RANBP2: variants seen among roughly 807,000 people sequenced by gnomAD.
RANBP2 encodes RAN binding protein 2, also known as E3 SUMO-protein ligase RanBP2.
A neutral mutation model predicts 303.6 loss-of-function variants in RANBP2; 57 were observed. That is an observed-to-expected ratio of 0.19 (90% CI 0.15 to 0.23). RANBP2 has a LOEUF of 0.23. Among genes scored for constraint, RANBP2 ranks in the 10% least tolerant of loss-of-function variants. The pLI, the probability that RANBP2 is intolerant of heterozygous loss-of-function variation, is 1.00. For synonymous variants in RANBP2, 1,167 were observed against 1,301.5 expected (o/e 0.90, Z 2.23); for missense variants, 3,138 against 3,780.8 (o/e 0.83, Z 4.46).
chr2:108,977,135 G>A, the RANBP2 span, among the ~76,000 whole-genome samples: 103 of 152,264 alleles, frequency 6.8e-4, no homozygotes, highest in African/African-American at 2.3e-3. Flanking sequence ...CCACTGGCCC[G>A]GGCCTGGGTT....
the RANBP2 span, among the ~76,000 whole-genome samples, chr2:108,893,718 T>TGACA: frequency 6.6e-6 from 1 of 152,078 alleles, no homozygotes; most frequent in Admixed American, 6.5e-5. Flanking sequence ...ACAAAGGCCA[T>TGACA]GACAATCTTA....
chr2:109,541,117 ACACAC>A, the RANBP2 span, among the ~76,000 whole-genome samples: 1 of 152,196 alleles, frequency 6.6e-6, no homozygotes, highest in Non-Finnish European at 1.5e-5. Flanking sequence ...CCTGGAAGTT[ACACAC>A]ATCACCATGT....
At chr2:109,680,528 G>C in the RANBP2 span, among the ~76,000 whole-genome samples, 1 of 152,154 alleles carries the variant, frequency 6.6e-6, no homozygotes, top group Non-Finnish European at 1.5e-5. Flanking sequence ...GAAAGTAATA[G>C]TAGTTATCTC....
At chr2:108,859,244 G>C in the RANBP2 span, among the ~76,000 whole-genome samples, 1 of 152,010 alleles carries the variant, frequency 6.6e-6, no homozygotes, top group African/African-American at 2.4e-5. Context: ...ACTTTTTAAC[G>C]GGGTTGCTTT....
At chr2:108,787,591 T>C (rs922466945), downstream of RANBP2, among the ~76,000 whole-genome samples, 1 of 152,228 alleles carries the variant, frequency 6.6e-6, no homozygotes, top group Admixed American at 6.5e-5. Flanking sequence ...TAAAACCTTT[T>C]ATAGGAAAAT....
At chr2:109,263,607 C>T in the RANBP2 span, among the ~76,000 whole-genome samples, 1 of 152,168 alleles carries the variant, frequency 6.6e-6, no homozygotes, top group Admixed American at 6.5e-5. Context: ...TTGAGCAAAG[C>T]TAATAGATGA....
chr2:109,409,309 C>T, the RANBP2 span, among the ~76,000 whole-genome samples: 6 of 152,206 alleles, frequency 3.9e-5, no homozygotes, highest in African/African-American at 1.4e-4. Flanking sequence ...CTAAAGGAAG[C>T]AGCCAGATAG....
At chr2:109,315,667 A>G in the RANBP2 span, among the ~76,000 whole-genome samples, 2 of 152,240 alleles carry the variant, frequency 1.3e-5, no homozygotes, top group African/African-American at 4.8e-5. Flanking sequence ...CTGGCAGTCT[A>G]TAAAGGGGCG....
the RANBP2 span, among the ~76,000 whole-genome samples, chr2:109,584,840 T>A: frequency 6.2e-3 from 944 of 152,326 alleles, 9 homozygotes; most frequent in Non-Finnish European, 0.011. Flanking sequence ...GTATAATTAA[T>A]ATACACTGAA....
At chr2:109,399,948 C>T in the RANBP2 span, among the ~76,000 whole-genome samples, 4 of 152,330 alleles carry the variant, frequency 2.6e-5, no homozygotes, top group Admixed American at 2.6e-4. Flanking sequence ...TTCCACCCAG[C>T]GGCCCACCCG....
chr2:109,224,192 G>T, the RANBP2 span, among the ~76,000 whole-genome samples: 2 of 152,144 alleles, frequency 1.3e-5, no homozygotes, highest in African/African-American at 2.4e-5. Flanking sequence ...AAATGGAGGG[G>T]GTGTGGGCAT....
chr2:109,524,824 T>C, the RANBP2 span, among the ~76,000 whole-genome samples: 1 of 152,006 alleles, frequency 6.6e-6, no homozygotes, highest in Non-Finnish European at 1.5e-5. Context: ...TTTAAGGGTT[T>C]CTAAATGAGA....
the RANBP2 span, among the ~76,000 whole-genome samples, chr2:109,062,905 G>T: frequency 2.6e-5 from 4 of 152,184 alleles, no homozygotes; most frequent in South Asian, 8.3e-4. Context: ...CCTGCCTCAG[G>T]GCGACCACCT....
the RANBP2 span, among the ~76,000 whole-genome samples, chr2:109,571,584 A>G: frequency 1.6e-4 from 24 of 152,362 alleles, no homozygotes; most frequent in African/African-American, 5.8e-4. Context: ...ACAGTACAGT[A>G]AAAATAAGGT....
chr2:108,751,217 A>G lies in RANBP2; in HGVS notation c.1274-47A>G, dbSNP rs757692322. On this transcript the variant is annotated intron_variant, in intron 9 of 28. Coordinates refer to ENST00000283195, the MANE Select transcript of RANBP2 (RefSeq NM_006267.5). ...TTTATGTTGGCAAAACTAATGGCAC[A>G]AGGAAAAATTTCAAACCCTTAAGCC... 1.9e-6 allele frequency: 3 copies of G among 1,612,012 alleles called. No homozygotes were observed. The Admixed American group carries it at 5.0e-5, about 27-fold the overall frequency.
At chr2:108,934,805 A>G in the RANBP2 span, among the ~76,000 whole-genome samples, 102 of 152,292 alleles carry the variant, frequency 6.7e-4, no homozygotes, top group African/African-American at 2.3e-3. Flanking sequence ...CCACCTTTCA[A>G]ACCTGTTCAC....
chr2:109,135,902 T>C, the RANBP2 span, among the ~76,000 whole-genome samples: 3 of 152,184 alleles, frequency 2.0e-5, no homozygotes, highest in African/African-American at 7.2e-5. Flanking sequence ...CATAATCTGC[T>C]TTAAAAAAAC....
At chr2:108,830,060 A>G in the RANBP2 span, among the ~76,000 whole-genome samples, 3 of 152,214 alleles carry the variant, frequency 2.0e-5, no homozygotes, top group Non-Finnish European at 4.4e-5. Context: ...AAGATGTGGT[A>G]TATACATACA....
downstream of RANBP2, chr2:108,786,690 C>CCCCGCCCTTTCCCTGCCGCCGTG: frequency 1.2e-6 from 1 of 839,918 alleles, no homozygotes. Flanking sequence ...GGTCGCCCCG[C>CCCCGCCCTTTCCCTGCCGCCGTG]CCCGCCCTTT....
Sources: allele counts gnomAD v4.1 joint callset (sites outside exome capture counted in the v4.1 genomes callset), GRCh38; gene constraint gnomAD v4.1.1; transcripts MANE v1.5; gene names NCBI Gene and HGNC (gene_info 2026-07-23, HGNC 2026-07-21).